The following ALS2CL variants were observed in gnomAD, a reference collection of about 807,000 sequenced individuals.
ALS2CL encodes ALS2 C-terminal like, also known as ALS2 C-terminal-like protein.
A neutral mutation model predicts 127.9 loss-of-function variants in ALS2CL; 112 were observed. The observed-to-expected ratio is 0.88, with a 90% confidence interval of 0.75 to 1.02. The LOEUF is 1.02. Ranked by LOEUF, ALS2CL falls within the 50% of genes least tolerant of loss-of-function variation. The pLI, the probability that ALS2CL is intolerant of heterozygous loss-of-function variation, is 0.00. For synonymous variants in ALS2CL, 519 were observed against 527.6 expected, an observed-to-expected ratio of 0.98 and a Z score of 0.22; for missense variants, 1,174 against 1,236.7, an observed-to-expected ratio of 0.95 and a Z score of 0.76.
At position 46,671,888 on chromosome 3, in the gene ALS2CL, C is replaced by T. The variant is rs200646143; in HGVS notation, c.2680G>A (p.Ala894Thr). Residue 894 changes from alanine to threonine, a missense_variant, in exon 24 of 26, where the codon GCC (alanine) becomes ACC (threonine). Ala to Thr is a moderately conservative substitution (Grantham distance 58, BLOSUM62 0). Coordinates refer to ENST00000318962, the MANE Select transcript of ALS2CL (RefSeq NM_147129.5). ...CCCAGCTCCTGACTGCCTCACCGGGCGCGCGACACCACGTAGATGAGAAGT... is the reference window on the plus strand; with the variant it reads ...CCCAGCTCCTGACTGCCTCACCGGGTGCGCGACACCACGTAGATGAGAAGT... ...LPLLIYVVSR[A>T]RIQHLGAEIH... The T allele has an allele frequency of 3.0e-5, 49 of 1,613,726 alleles. 1 individual carries two copies. Among genetic ancestry groups the T allele is most frequent in the African/African-American group, 2.5e-4 (19 of 75,020 alleles).
Position 46,670,461 on chromosome 3 carries a change from G to A in ALS2CL, c.*523C>T, listed in dbSNP as rs1698301496. ...TCCAGTGCCGCCGTTTACGTCATGGGTACGTGGCCTGCAGTTCACGGATCT... is the reference window on the plus strand; with the variant it reads ...TCCAGTGCCGCCGTTTACGTCATGGATACGTGGCCTGCAGTTCACGGATCT... On this transcript the variant is annotated 3_prime_UTR_variant, in exon 26 of 26. Coordinates refer to ENST00000318962, the MANE Select transcript of ALS2CL (RefSeq NM_147129.5). This position sits in a 1 kb window ranked among gnomAD's most constrained non-coding sequence, Gnocchi z 5.5. 1 of 150,928 alleles carries A rather than the reference G, an allele frequency of 6.6e-6. No individual in the cohort carries two copies. The highest frequency in any genetic ancestry group is 2.4e-5 in the African/African-American group (1 of 40,866). 9.3% of individuals were successfully genotyped at this position (150,928 alleles called of 1,614,324 possible).
rs376089110 is a variant in ALS2CL at position 46,687,083 on chromosome 3, G to A, written c.434C>T (p.Ser145Leu). The A allele has an allele frequency of 2.3e-5, 36 of 1,589,664 alleles. No individual in the cohort carries two copies. Among genetic ancestry groups the A allele is most frequent in the African/African-American group, 2.0e-4 (15 of 74,662 alleles). The change falls in exon 5 of 26, where the codon TCG (serine) becomes TTG (leucine). Residue 145 changes from serine (S) to leucine (L), a missense_variant. Physicochemically the swap from Ser to Leu is moderately radical, Grantham distance 145. Transcript: ENST00000318962. ...QLLSGVSSEG[S>L]VGASLGQALH... is the part of the protein sequence containing the mutation. ...GGCCTGGCCCAGCGATGCGCCCACC[G>A]AGCCCTCTGAGCTCACACCTGAAAG... is the stretch of plus-strand genomic sequence containing the variant.
chr3:46,685,777 G>A, intron 6 of ALS2CL, 133 bp from the exon 7 acceptor site: 1 of 1,276,002 alleles, frequency 7.8e-7, no homozygotes, highest in South Asian at 1.5e-5. Context: ...CGGACCCTGG[G>A]TCAGAGATAG....
In ALS2CL at chr3:46,671,859, C is replaced by A. The variant is rs201078929; in HGVS notation, c.2684+25G>T. The A allele has an allele frequency of 9.3e-6, 15 of 1,612,416 alleles. No homozygotes were observed. The African/African-American group carries it at 1.9e-4, about 20-fold the overall frequency. ...GGGGTGGGACCCTGCCCCTGCCCTG[C>A]ACCCCCAGCTCCTGACTGCCTCACC... is the stretch of plus-strand genomic sequence containing the variant. On this transcript the variant is annotated intron_variant, in intron 24 of 25. Coordinates refer to ENST00000318962, the MANE Select transcript of ALS2CL (RefSeq NM_147129.5).
At position 46,669,218 on chromosome 3, in the gene ALS2CL, A is replaced by G. The variant is rs1420197906; in HGVS notation, c.*1766T>C. 6.6e-6 allele frequency: 1 copy of G among 152,074 alleles called. No individual in the cohort carries two copies. Among genetic ancestry groups the G allele is most frequent in the Non-Finnish European group, 1.5e-5 (1 of 68,032 alleles). 9.4% of individuals were successfully genotyped at this position (152,074 alleles called of 1,614,324 possible). ...GCTAATTATTTTATTTTGTATTTGT[A>G]GAGACAGGGTCTCACTATGTTGCCC... On this transcript the variant is annotated 3_prime_UTR_variant, in exon 26 of 26. Coordinates refer to ENST00000318962, the MANE Select transcript of ALS2CL (RefSeq NM_147129.5).
intron 16 of ALS2CL, chr3:46,677,394 C>T (rs1698946753): frequency 9.4e-7 from 1 of 1,069,122 alleles, no homozygotes; most frequent in African/African-American, 1.7e-5. Context: ...CCCTCCCTTA[C>T]AGCTGGTTCC....
chr3:46,683,127 C>A lies in ALS2CL; in HGVS notation c.1109+3G>T, dbSNP rs147622923. The A allele has an allele frequency of 6.2e-3, 9,581 of 1,556,656 alleles. 62 individuals carry two copies. The highest frequency in any genetic ancestry group is 6.0e-3 in the Non-Finnish European group (6,940 of 1,153,454). On this transcript the variant is annotated splice_donor_region_variant and intron_variant, in intron 10 of 25. Transcript: ENST00000318962. ...CTTGCCACCCAGAGCTCCAGCCACT[C>A]ACTTGCCGTGGGGCCGGCCCCTGCA...
At chr3:46,673,514 G>T in intron 21 of ALS2CL, 133 bp from the exon 22 acceptor site, 1 of 905,632 alleles carries the variant, frequency 1.1e-6, no homozygotes, top group Non-Finnish European at 1.7e-6. Flanking sequence ...GATCAGCCTA[G>T]GTCATGGGGA....
At chr3:46,676,453 C>A in intron 18 of ALS2CL, 51 bp from the exon 19 acceptor site, 1 of 1,607,808 alleles carries the variant, frequency 6.2e-7, no homozygotes, top group South Asian at 1.1e-5. Context: ...GGGTCTGGAG[C>A]ACAGCATGCC....
At position 46,670,756 on chromosome 3, in the gene ALS2CL, T is replaced by C. The variant is rs1043181845; in HGVS notation, c.*228A>G. The C allele has an allele frequency of 3.5e-5, 18 of 516,592 alleles. No homozygotes were observed. The highest frequency in any genetic ancestry group is 3.3e-4 in the African/African-American group (17 of 51,872). 32.0% of individuals were successfully genotyped at this position (516,592 alleles called of 1,614,324 possible). A position where few individuals can be genotyped will look rare whatever the true frequency, so the allele number is the denominator to read the frequency against. On this transcript the variant is annotated 3_prime_UTR_variant, in exon 26 of 26. Coordinates refer to ENST00000318962, the MANE Select transcript of ALS2CL (RefSeq NM_147129.5). The surrounding 1 kb of genome is among the most constrained non-coding windows in gnomAD (Gnocchi z 5.5). Reference sequence around the variant, plus strand: ...TGAGCTGCTGCAGATTAAGGGGTCATTGAAGATGGGCTAGTGGCCAAGGGA... The same window carrying C: ...TGAGCTGCTGCAGATTAAGGGGTCACTGAAGATGGGCTAGTGGCCAAGGGA...
Position 46,687,055 on chromosome 3 carries a change from G to C in ALS2CL, c.462C>G (p.Leu154=). 6.2e-7 allele frequency: 1 copy of C among 1,601,394 alleles called. No individual in the cohort carries two copies. Among genetic ancestry groups the C allele is most frequent in the African/African-American group, 1.3e-5 (1 of 74,950 alleles). Residue 154 remains leucine, a synonymous_variant, in exon 5 of 26, where the codon CTC becomes CTG. Coordinates refer to ENST00000318962, the MANE Select transcript of ALS2CL (RefSeq NM_147129.5). ...GCACGTGATGGGCGAGTGGCTGGTG[G>C]AGGGCCTGGCCCAGCGATGCGCCCA... ...GSVGASLGQA[L]HQPLAHHVQQ... is the part of the protein sequence containing the mutation.
chr3:46,689,292 T>C lies in ALS2CL; in HGVS notation c.103+46A>G, dbSNP rs764644327. 4 of 1,589,628 alleles carry C rather than the reference T, an allele frequency of 2.5e-6. No individual in the cohort carries two copies. In the Admixed American group the frequency reaches 6.8e-5, roughly 27 times the overall value. ...CAAGGTAGGTCTCCTGTCCCTGGGATCATTCCTCGGTGCCCTTCCCTCCCC... is the reference window on the plus strand; with the variant it reads ...CAAGGTAGGTCTCCTGTCCCTGGGACCATTCCTCGGTGCCCTTCCCTCCCC... On this transcript the variant is annotated intron_variant, in intron 2 of 25. Transcript: ENST00000318962.
At chr3:46,679,441 T>C in intron 14 of ALS2CL, 154 bp from the exon 15 acceptor site, 2 of 608,822 alleles carry the variant, frequency 3.3e-6, no homozygotes, top group East Asian at 3.2e-5. Context: ...CTGTACCTAA[T>C]TGGGACTCTA....
intron 15 of ALS2CL, 24 bp from the exon 16 acceptor site, chr3:46,678,413 GGAT>G: frequency 6.2e-7 from 1 of 1,604,904 alleles, no homozygotes; most frequent in Non-Finnish European, 8.5e-7. Flanking sequence ...GAAGGAGCAG[GGAT>G]GTCTGTCTGC....
rs114808948 is a variant in ALS2CL at position 46,677,268 on chromosome 3, G to A, written c.1758-246C>T. 3.2e-4 allele frequency: 429 copies of A among 1,349,530 alleles called. 1 individual carries two copies. In the African/African-American group the frequency reaches 5.5e-3, roughly 17 times the overall value. 83.6% of individuals were successfully genotyped at this position (1,349,530 alleles called of 1,614,324 possible). A position where few individuals can be genotyped will look rare whatever the true frequency, so the allele number is the denominator to read the frequency against. On this transcript the variant is annotated intron_variant, in intron 16 of 25. Transcript: ENST00000318962. ...GACAGACAGAAGCATATGGAATCCT[G>A]GAAAGACGGAGACAGAAAGGTGGGC... is the stretch of plus-strand genomic sequence containing the variant.
At chr3:46,680,613 A>C in intron 13 of ALS2CL, 72 bp from the exon 14 acceptor site, 2 of 1,407,626 alleles carry the variant, frequency 1.4e-6, no homozygotes, top group Non-Finnish European at 2.0e-6. Flanking sequence ...CTCTGCTGGC[A>C]CGGGGCGGCA....
chr3:46,670,901 C>T lies in ALS2CL; in HGVS notation c.*83G>A, dbSNP rs1698327528. The T allele has an allele frequency of 7.1e-7, 1 of 1,407,840 alleles. No individual in the cohort carries two copies. Among genetic ancestry groups the T allele is most frequent in the Non-Finnish European group, 1.0e-6 (1 of 998,084 alleles). 87.2% of individuals were successfully genotyped at this position (1,407,840 alleles called of 1,614,324 possible). ...TCCTCCAAGAGCTGCTTCTGAGGGC[C>T]TGTCCTGCCCCTTGCCTTGGGTAAT... On this transcript the variant is annotated 3_prime_UTR_variant, in exon 26 of 26. Coordinates refer to ENST00000318962, the MANE Select transcript of ALS2CL (RefSeq NM_147129.5). The surrounding 1 kb of genome is among the most constrained non-coding windows in gnomAD (Gnocchi z 5.5).
chr3:46,673,291 G>A (rs1258223309), intron 22 of ALS2CL, 48 bp downstream of exon 22: 2 of 1,535,850 alleles, frequency 1.3e-6, no homozygotes, highest in Admixed American at 2.0e-5. Flanking sequence ...CTCAAAGCCT[G>A]CAGGACCTCT....
rs766145175 is a variant in ALS2CL at position 46,671,962 on chromosome 3, G to A, written c.2606C>T (p.Ser869Leu). Residue 869 changes from serine to leucine, a missense_variant, in exon 24 of 26, where the codon TCG becomes TTG. By Grantham distance (145) the Ser-to-Leu change is moderately radical (BLOSUM62 -2). Transcript: ENST00000318962. Reference sequence around the variant, plus strand: ...CTTGTACTCCCGGCCCAATACCCTCGACACCGTGCCCTCAATTTCCCCGTA... The same window carrying A: ...CTTGTACTCCCGGCCCAATACCCTCAACACCGTGCCCTCAATTTCCCCGTA... ...RTYGEIEGTV[S>L]RVLGREYKLP... The A allele has an allele frequency of 3.7e-6, 6 of 1,613,744 alleles. No individual in the cohort carries two copies. Among genetic ancestry groups the A allele is most frequent in the East Asian group, 2.2e-5 (1 of 44,880 alleles).
Sources: gnomAD v4.1 joint callset for allele counts on GRCh38, gnomAD v4.1.1 for gene constraint, Gnocchi (gnomAD v3.1) non-coding constraint, MANE v1.5 for transcripts, NCBI Gene and HGNC (gene_info 2026-07-23, HGNC 2026-07-21) for gene names.